Variants in LMNA observed in about 807,000 individuals in gnomAD.
LMNA encodes the protein lamin A/C, also known as lamin.
A neutral mutation model predicts 70.4 loss-of-function variants in LMNA; 20 were observed. The ratio of observed to expected loss-of-function variants is 0.28; its 90% CI spans 0.20 to 0.41. LMNA has a LOEUF of 0.41. Ranked by LOEUF, LMNA falls within the 10% of genes least tolerant of loss-of-function variation. The pLI is 1.00. For synonymous variants in LMNA, 339 were observed against 372.8 expected (o/e 0.91, Z 1.04); for missense variants, 652 against 917.2 (o/e 0.71, Z 3.73).
intron 2 of LMNA, among the ~76,000 whole-genome samples, chr1:156,133,850 T>C (rs963997701): frequency 2.0e-4 from 31 of 152,158 alleles, no homozygotes. Flanking sequence ...TAGGCCCCGC[T>C]AGCCTGTCCC....
intron 1 of LMNA, among the ~76,000 whole-genome samples, chr1:156,122,597 C>T (rs1416869762): frequency 6.6e-6 from 1 of 152,184 alleles, no homozygotes; most frequent in Non-Finnish European, 1.5e-5. Flanking sequence ...AAGGGCAACT[C>T]GTTTTCGATG....
chr1:156,095,766 T>G (rs1378024666), intron 3 of LMNA, among the ~76,000 whole-genome samples: 1 of 152,202 alleles, frequency 6.6e-6, no homozygotes, highest in Non-Finnish European at 1.5e-5. Context: ...CTCCCCACAC[T>G]TCTAATTAAT....
At chr1:156,126,291 C>A in intron 1 of LMNA, 2 of 1,169,374 alleles carry the variant, frequency 1.7e-6, no homozygotes, top group Non-Finnish European at 2.4e-6. Context: ...CTCCACCTCC[C>A]CTTTGTCTTC....
intron 3 of LMNA, among the ~76,000 whole-genome samples, chr1:156,104,345 G>A (rs552526283): frequency 4.6e-5 from 7 of 152,170 alleles, no homozygotes; most frequent in Admixed American, 3.9e-4. Flanking sequence ...AACTGTTGTC[G>A]TCTGGTAAAT....
Position 156,137,984 on chromosome 1 carries a change from T to G in LMNA, c.1698+241T>G. The G allele has an allele frequency of 1.3e-6, 1 of 785,356 alleles. No homozygotes were observed. The highest frequency in any genetic ancestry group is 2.0e-6 in the Non-Finnish European group (1 of 508,348). The allele number at this position is 785,356 out of a possible 1,614,324, so 48.6% of individuals were successfully genotyped here. A position where few individuals can be genotyped will look rare whatever the true frequency, so the allele number is the denominator to read the frequency against. On this transcript the variant is annotated intron_variant, in intron 10 of 11. Transcript: ENST00000368300. This position sits in a 1 kb window ranked among gnomAD's most constrained non-coding sequence, Gnocchi z 4.6. ...GGAACTTTCTGATGCCATGGAATAT[T>G]CCTGTGGGAGCAGTGGACAAGGGTC...
At chr1:156,129,416 C>T (rs1650856984) in intron 1 of LMNA, among the ~76,000 whole-genome samples, 1 of 152,312 alleles carries the variant, frequency 6.6e-6, no homozygotes, top group Non-Finnish European at 1.5e-5. Flanking sequence ...AATTGCTGGG[C>T]CTCTTGGAGT....
chr1:156,114,829 C>G lies in LMNA; in HGVS notation c.-90C>G. 2 of 920,210 alleles carry G rather than the reference C, an allele frequency of 2.2e-6. No individual in the cohort carries two copies. Among genetic ancestry groups the G allele is most frequent in the Non-Finnish European group, 3.2e-6 (2 of 633,592 alleles). 57.0% of individuals were successfully genotyped at this position (920,210 alleles called of 1,614,324 possible). Reference sequence around the variant, plus strand: ...CCGAGAGCCAGCCGGCCGGCGCACTCCGACTCCGAGCAGTCTCTGTCCTTC... The same window carrying G: ...CCGAGAGCCAGCCGGCCGGCGCACTGCGACTCCGAGCAGTCTCTGTCCTTC... On this transcript the variant is annotated 5_prime_UTR_variant, in exon 1 of 12. Transcript: ENST00000368300.
At position 156,137,907 on chromosome 1, in the gene LMNA, T is replaced by G; in HGVS notation, c.1698+164T>G. The G allele has an allele frequency of 7.0e-7, 1 of 1,429,700 alleles. No individual in the cohort carries two copies. Among genetic ancestry groups the G allele is most frequent in the Non-Finnish European group, 9.3e-7 (1 of 1,072,290 alleles). 88.6% of individuals were successfully genotyped at this position (1,429,700 alleles called of 1,614,324 possible). A position where few individuals can be genotyped will look rare whatever the true frequency, so the allele number is the denominator to read the frequency against. On this transcript the variant is annotated intron_variant, in intron 10 of 11. Coordinates refer to ENST00000368300, the MANE Select transcript of LMNA (RefSeq NM_170707.4). This position sits in a 1 kb window ranked among gnomAD's most constrained non-coding sequence, Gnocchi z 4.6. ...TTTCTTCTCTCTCCTCCCTATACCT[T>G]GAACAGGGAACCCAGGTGTCTGGGT...
intron 1 of LMNA, among the ~76,000 whole-genome samples, chr1:156,129,570 T>A (rs566361222): frequency 1.3e-5 from 2 of 152,190 alleles, no homozygotes; most frequent in African/African-American, 2.4e-5. Flanking sequence ...GAGTTACAGA[T>A]GGCAGCTGGA....
At chr1:156,092,890 C>CTTTTTTTTTTTTT (rs568056544) in intron 3 of LMNA, among the ~76,000 whole-genome samples, 2 of 135,650 alleles carry the variant, frequency 1.5e-5, no homozygotes, top group African/African-American at 5.4e-5. Flanking sequence ...TTCTTTTTTT[C>CTTTTTTTTTTTTT]TTTTTTTTTT....
intron 1 of LMNA, among the ~76,000 whole-genome samples, chr1:156,122,308 C>T (rs949713397): frequency 1.8e-4 from 27 of 152,024 alleles, no homozygotes; most frequent in African/African-American, 5.3e-4. Flanking sequence ...GGGATTGGAG[C>T]GGAAAGTCTC....
chr1:156,136,759 A>G lies in LMNA; in HGVS notation c.1381-162A>G, dbSNP rs746687422. On this transcript the variant is annotated intron_variant, in intron 7 of 11. Coordinates refer to ENST00000368300, the MANE Select transcript of LMNA (RefSeq NM_170707.4). This position sits in a 1 kb window ranked among gnomAD's most constrained non-coding sequence, Gnocchi z 6.1. ...CCTGGTGCTGCGTATGTGTCCACAGATCATGGCTATTATCCCCGGGGGAAG... is the reference window on the plus strand; with the variant it reads ...CCTGGTGCTGCGTATGTGTCCACAGGTCATGGCTATTATCCCCGGGGGAAG... 1.1e-4 allele frequency: 82 copies of G among 722,492 alleles called. No homozygotes were observed. Among genetic ancestry groups the G allele is most frequent in the Non-Finnish European group, 1.7e-4 (70 of 403,870 alleles). The allele number at this position is 722,492 out of a possible 1,614,324, so 44.8% of individuals were successfully genotyped here.
rs763861272 is a variant in LMNA at position 156,136,885 on chromosome 1, C to T, written c.1381-36C>T. On this transcript the variant is annotated intron_variant, in intron 7 of 11. Coordinates refer to ENST00000368300, the MANE Select transcript of LMNA (RefSeq NM_170707.4). The surrounding 1 kb of genome is among the most constrained non-coding windows in gnomAD (Gnocchi z 6.1). ...AGATACACCCAAGAGCCTGGGTGAG[C>T]CTCCCCGACCTTCCTCTTCCCTATC... 3 of 1,575,914 alleles carry T rather than the reference C, an allele frequency of 1.9e-6. No individual in the cohort carries two copies. The highest frequency in any genetic ancestry group is 2.3e-5 in the South Asian group (2 of 88,100).
At chr1:156,093,378 C>CT (rs1648785832) in intron 3 of LMNA, among the ~76,000 whole-genome samples, 1 of 142,400 alleles carries the variant, frequency 7.0e-6, no homozygotes, top group Admixed American at 7.5e-5. Flanking sequence ...ACGATCTTGG[C>CT]TTACTGCACC....
chr1:156,095,649 G>A (rs989148309), intron 3 of LMNA, among the ~76,000 whole-genome samples: 3 of 152,142 alleles, frequency 2.0e-5, no homozygotes, highest in East Asian at 3.9e-4. Context: ...GAGCCACTGC[G>A]CCCGGTGTCC....
At position 156,137,757 on chromosome 1, in the gene LMNA, G is replaced by A. The variant is rs200917748; in HGVS notation, c.1698+14G>A. The A allele has an allele frequency of 4.5e-5, 70 of 1,547,050 alleles. No individual in the cohort carries two copies. In the East Asian group the frequency reaches 7.1e-4, roughly 16 times the overall value. On this transcript the variant is annotated intron_variant, in intron 10 of 11. Coordinates refer to ENST00000368300, the MANE Select transcript of LMNA (RefSeq NM_170707.4). This position sits in a 1 kb window ranked among gnomAD's most constrained non-coding sequence, Gnocchi z 4.6. ...CATCACCACCACGTGAGTGGTAGCC[G>A]CCGCTGAGGCCGAGCCTGCACTGGG...
chr1:156,126,953 T>C (rs1459768888), intron 1 of LMNA: 2 of 1,533,646 alleles, frequency 1.3e-6, no homozygotes, highest in Admixed American at 2.0e-5. Flanking sequence ...TGCCCGGGTA[T>C]TGTGTGCCTG....
rs2102804828 is a variant in LMNA at position 156,106,395 on chromosome 1, C to A, written c.-206-8318C>A. Among the ~76,000 whole-genome samples, 2 of 152,338 alleles carry A rather than the reference C, an allele frequency of 1.3e-5. 1 individual carries two copies. The highest frequency in any genetic ancestry group is 1.3e-4 in the Admixed American group (2 of 15,308). On this transcript the variant is annotated intron_variant, in intron 3 of 12. Coordinates refer to the LMNA transcript ENST00000368301. ...TTTCCTTGGCAACAGGGAAAGGAAA[C>A]CCCCATTTAGGAGGCCGGGGAGGCC...
chr1:156,084,327 TC>T (rs1193795917), intron 2 of LMNA, among the ~76,000 whole-genome samples: 59 of 5,756 alleles, frequency 0.01, 1 homozygote, highest in African/African-American at 0.039. Flanking sequence ...TCTCAGAAGG[TC>T]GGGGGGTGGT....
Sources: gnomAD v4.1 joint callset for allele counts (sites outside exome capture counted in the v4.1 genomes callset) on GRCh38, gnomAD v4.1.1 for gene constraint, Gnocchi (gnomAD v3.1) non-coding constraint, MANE v1.5 for transcripts, NCBI Gene and HGNC (gene_info 2026-07-23, HGNC 2026-07-21) for gene names.